Variants in PBRM1 observed in about 807,000 individuals in gnomAD.
PBRM1 encodes the protein polybromo 1.
PBRM1 carries 27 observed loss-of-function variants against 194.5 expected under a neutral mutation model. The ratio of observed to expected loss-of-function variants is 0.14; its 90% CI spans 0.10 to 0.19. The LOEUF (loss-of-function observed/expected upper bound fraction) is 0.19. PBRM1 is among the 10% of genes least tolerant of loss of function. PBRM1 has a pLI of 1.00. For synonymous variants in PBRM1, 655 were observed against 693.2 expected (o/e 0.94, Z 0.87); for missense variants, 1,466 against 2,077.2 (o/e 0.71, Z 5.72).
intron 2 of PBRM1, among the ~76,000 whole-genome samples, chr3:52,675,986 G>A (rs2097091971): frequency 1.0e-5 from 1 of 97,166 alleles, no homozygotes; most frequent in Admixed American, 1.2e-4. Context: ...GTAGTGGCGG[G>A]CGCCTGTAGT....
rs763007814 is a variant in PBRM1, at chr3:52,596,436, C to CAAAAAAAAAAAAAAAAAAAAAAAAA, written c.2779+7060_2779+7084dup. Among the ~76,000 whole-genome samples the CAAAAAAAAAAAAAAAAAAAAAAAAA allele has an allele frequency of 7.9e-5, 4 of 50,372 alleles. 1 individual carries two copies. Among genetic ancestry groups the CAAAAAAAAAAAAAAAAAAAAAAAAA allele is most frequent in the African/African-American group, 1.7e-4 (2 of 12,078 alleles). 33.0% of individuals were successfully genotyped at this position (50,372 alleles called of 152,430 possible). A position where few individuals can be genotyped will look rare whatever the true frequency, so the allele number is the denominator to read the frequency against. ...CTGGCGACAGAGTGAGACTCCGTCT[C>CAAAAAAAAAAAAAAAAAAAAAAAAA]AAAAAAAAAAAAAAAAAAAAAAAAA... On this transcript the variant is annotated intron_variant, in intron 17 of 29. Transcript: ENST00000296302.
intron 2 of PBRM1, among the ~76,000 whole-genome samples, chr3:52,677,408 C>CTTTT (rs71087007): frequency 0.019 from 2,079 of 110,624 alleles, 251 homozygotes; most frequent in African/African-American, 0.062. Flanking sequence ...CCATGCTCGG[C>CTTTT]TTTTTTTTTT....
intron 15 of PBRM1, among the ~76,000 whole-genome samples, chr3:52,610,278 A>G (rs1216155265): frequency 1.3e-5 from 2 of 152,200 alleles, no homozygotes; most frequent in Non-Finnish European, 2.9e-5. Context: ...ATAAAAAGAG[A>G]TAACGGATGT....
rs1243620628 is a variant in PBRM1, at chr3:52,636,150, C to A, written c.1088-1335G>T. Among the ~76,000 whole-genome samples, 4 of 151,842 alleles carry A rather than the reference C, an allele frequency of 2.6e-5. 1 individual carries two copies. Among genetic ancestry groups the A allele is most frequent in the Admixed American group, 2.6e-4 (4 of 15,224 alleles). ...CCTCCCAAAGTGCTGGGATTACAGG[C>A]GTGAGCCACCACGCCCAGCCTAGAT... On this transcript the variant is annotated intron_variant, in intron 10 of 29. Transcript: ENST00000296302.
Position 52,609,677 on chromosome 3 carries a change from C to T in PBRM1, c.2203G>A (p.Ala735Thr), listed in dbSNP as rs187860752. The T allele has an allele frequency of 1.2e-6, 2 of 1,613,524 alleles. No homozygotes were observed. Among genetic ancestry groups the T allele is most frequent in the East Asian group, 4.5e-5 (2 of 44,872 alleles). Residue 735 changes from alanine (A) to threonine (T), a missense_variant, in exon 16 of 30, where the codon GCC becomes ACC. Transcript: ENST00000296302. The surrounding 1 kb of genome is among the most constrained non-coding windows in gnomAD (Gnocchi z 4.1). ...GACTCCGGCTCATTGTATGTACAGGCATTATTAAACATCATGACAAAGTCC... is the reference window on the plus strand; with the variant it reads ...GACTCCGGCTCATTGTATGTACAGGTATTATTAAACATCATGACAAAGTCC...
At chr3:52,667,393 CAAAT>C (rs1190497934) in intron 3 of PBRM1, among the ~76,000 whole-genome samples, 1 of 151,212 alleles carries the variant, frequency 6.6e-6, no homozygotes, top group Non-Finnish European at 1.5e-5. Flanking sequence ...CACACAAAAT[CAAAT>C]AAAAAAAATA....
At chr3:52,638,999 C>T (rs547192858) in intron 10 of PBRM1, among the ~76,000 whole-genome samples, 25 of 32,176 alleles carry the variant, frequency 7.8e-4, no homozygotes, top group Admixed American at 7.2e-3. Context: ...GGGGGGGGGG[C>T]GGGGGACAAA....
chr3:52,558,250 T>C, exon 26 of PBRM1: 1 of 1,511,028 alleles, frequency 6.6e-7, no homozygotes, highest in Non-Finnish European at 8.9e-7. Context: ...TGTTTTTACC[T>C]GCAACAGGTG....
At chr3:52,645,430 T>C (rs371081395) in intron 7 of PBRM1, among the ~76,000 whole-genome samples, 1 of 151,892 alleles carries the variant, frequency 6.6e-6, no homozygotes, top group Non-Finnish European at 1.5e-5. Flanking sequence ...CTCAAAGTGC[T>C]GGGATTACAG....
In PBRM1 at chr3:52,548,125, G is replaced by A. The variant is rs1164015194; in HGVS notation, c.5008C>T (p.Arg1670Ter). 1.9e-6 allele frequency: 3 copies of A among 1,610,760 alleles called. No homozygotes were observed. Among genetic ancestry groups the A allele is most frequent in the Non-Finnish European group, 1.7e-6 (2 of 1,178,894 alleles). ...AGGGTGTCCCGGAGCATCAAATCTC[G>A]AAGGCGCCAGAGGGCATCTGCCATG... The change falls in exon 30 of 30, where the codon CGA becomes TGA. Residue 1670 changes from arginine to a stop codon, truncating the protein, a stop_gained. Transcript: ENST00000296302. LOFTEE classifies it high-confidence loss of function.
Position 52,676,166 on chromosome 3 carries a change from G to A in PBRM1, c.236+2334C>T, listed in dbSNP as rs549456952. Among the ~76,000 whole-genome samples the A allele has an allele frequency of 2.9e-5, 4 of 139,118 alleles. 1 individual carries two copies. The highest frequency in any genetic ancestry group is 1.1e-4 in the African/African-American group (4 of 36,856). The allele number at this position is 139,118 out of a possible 152,430, so 91.3% of individuals were successfully genotyped here. On this transcript the variant is annotated intron_variant, in intron 2 of 29. Transcript: ENST00000296302. ...AAAAAAAAAAAATAATGAATGAAGC[G>A]GGATCCTTACCTAAACACTACTTAT...
intron 13 of PBRM1, among the ~76,000 whole-genome samples, chr3:52,618,969 G>A (rs1462218534): frequency 6.6e-6 from 1 of 152,082 alleles, no homozygotes; most frequent in Non-Finnish European, 1.5e-5. Context: ...GGCTAGTCTC[G>A]AACTCCCGAC....
At chr3:52,683,126 C>G (rs546169009), upstream of PBRM1, among the ~76,000 whole-genome samples, 1 of 152,074 alleles carries the variant, frequency 6.6e-6, no homozygotes, top group East Asian at 1.9e-4. Context: ...TCGCTTGAAC[C>G]CGGGAGGCGG....
At chr3:52,580,460 G>A (rs1266682477) in intron 20 of PBRM1, among the ~76,000 whole-genome samples, 1 of 151,994 alleles carries the variant, frequency 6.6e-6, no homozygotes, top group Non-Finnish European at 1.5e-5. Flanking sequence ...CCGGGTTCAC[G>A]CCATTCTCCT....
At position 52,595,744 on chromosome 3, in the gene PBRM1, C is replaced by T. The variant is rs371913469; in HGVS notation, c.2780-6489G>A. ...GGGGAATTACTCAAGAAATTTTTGC[C>T]TAGTCCAGTTTTATTCCAGTAGTTT... On this transcript the variant is annotated intron_variant, in intron 17 of 29. Transcript: ENST00000296302. Among the ~76,000 whole-genome samples, 9 of 152,262 alleles carry T rather than the reference C, an allele frequency of 5.9e-5. No homozygotes were observed. The East Asian group carries it at 9.6e-4, about 16-fold the overall frequency.
At chr3:52,653,997 T>C (rs557250026) in intron 5 of PBRM1, among the ~76,000 whole-genome samples, 2 of 152,356 alleles carry the variant, frequency 1.3e-5, no homozygotes, top group East Asian at 1.9e-4. Context: ...TGTTGAGGAA[T>C]GTCCTTGAAG....
intron 14 of PBRM1, among the ~76,000 whole-genome samples, chr3:52,616,687 C>T (rs925328362): frequency 1.3e-5 from 2 of 151,592 alleles, no homozygotes; most frequent in East Asian, 1.9e-4. Context: ...AGCGAGACTC[C>T]GTCTCAAAAA....
chr3:52,549,780 C>T (rs540927717), intron 29 of PBRM1, among the ~76,000 whole-genome samples: 27 of 152,044 alleles, frequency 1.8e-4, no homozygotes, highest in Admixed American at 7.2e-4. Context: ...TGCTGAGCAC[C>T]TGTAATTCCA....
exon 20 of PBRM1, chr3:52,586,460 C>T (rs1560095469): frequency 1.2e-6 from 2 of 1,614,020 alleles, no homozygotes; most frequent in South Asian, 1.1e-5. Flanking sequence ...GCTCGACTGT[C>T]CTCTGAGTTG....
Sources: allele counts gnomAD v4.1 joint callset (sites outside exome capture counted in the v4.1 genomes callset), GRCh38; gene constraint gnomAD v4.1.1; non-coding constraint Gnocchi (gnomAD v3.1); transcripts MANE v1.5; gene names NCBI Gene and HGNC (gene_info 2026-07-23, HGNC 2026-07-21).